ERAP2: variants seen among roughly 807,000 people sequenced by gnomAD.
The protein encoded by ERAP2 is endoplasmic reticulum aminopeptidase 2, also known as leukocyte-derived arginine aminopeptidase.
ERAP2 carries 118 observed loss-of-function variants against 111.1 expected under a neutral mutation model. The ratio of observed to expected loss-of-function variants is 1.06; its 90% confidence interval spans 0.92 to 1.24. The LOEUF is 1.24. Among genes scored for constraint, ERAP2 ranks in the 50% most tolerant of loss-of-function variants. ERAP2 has a pLI of 0.00. For synonymous variants in ERAP2, 410 were observed against 401.2 expected, an observed-to-expected ratio of 1.02 and a Z score of -0.26; for missense variants, 1,131 against 1,125.8, an observed-to-expected ratio of 1.00 and a Z score of -0.07.
intron 9 of ERAP2, among the ~76,000 whole-genome samples, chr5:96,899,084 T>C (rs554971137): frequency 1.3e-5 from 2 of 152,312 alleles, no homozygotes; most frequent in East Asian, 3.9e-4. Context: ...AATTCCTGTG[T>C]TATTTTTTGT....
At position 96,909,120 on chromosome 5, in the gene ERAP2, T is replaced by G. The variant is rs1328211150; in HGVS notation, c.2169+3T>G. 1.2e-6 allele frequency: 2 copies of G among 1,613,592 alleles called. No individual in the cohort carries two copies. The highest frequency in any genetic ancestry group is 2.7e-5 in the African/African-American group (2 of 74,910). On this transcript the variant is annotated splice_donor_region_variant and intron_variant, in intron 14 of 18. Coordinates refer to ENST00000437043, the MANE Select transcript of ERAP2 (RefSeq NM_022350.5). ...CAGATATCTCTGAAAACCTCAAGGT[T>G]TGTGTTGCTTTTAGAAAATGTATTA...
At position 96,910,859 on chromosome 5, in the gene ERAP2, A is replaced by G. The variant is rs1284776762; in HGVS notation, c.2354+1095A>G. ...ATGTAACTAGTTGCACATTTCCTTT[A>G]TGCCAGCCAGGTATTGCTGTAGGAG... On this transcript the variant is annotated intron_variant, in intron 15 of 18. Transcript: ENST00000437043. Among the ~76,000 whole-genome samples, 2 of 152,198 alleles carry G rather than the reference A, an allele frequency of 1.3e-5. 1 individual carries two copies. Among genetic ancestry groups the G allele is most frequent in the South Asian group, 4.1e-4 (2 of 4,834 alleles).
At position 96,913,433 on chromosome 5, in the gene ERAP2, A is replaced by G; in HGVS notation, c.2633A>G (p.Glu878Gly). Reference sequence around the variant, plus strand: ...CAACTAGCATGGGATTTTGTAAGAGAAAATTGGACCCATCTTCTGAAAAAG... The same window carrying G: ...CAACTAGCATGGGATTTTGTAAGAGGAAATTGGACCCATCTTCTGAAAAAG... ...GQQLAWDFVR[E>G]NWTHLLKKFD... The change falls in exon 17 of 19, where the codon GAA becomes GGA. Residue 878 changes from glutamate to glycine, a missense_variant. Physicochemically the swap from Glu to Gly is moderately conservative, Grantham distance 98 (BLOSUM62 -2). Around this residue, in one of 3 missense-constraint regions of ERAP2, gnomAD observed 279 missense variants for 250.9 expected, o/e 1.11. Transcript: ENST00000437043. 1 of 1,614,126 alleles carries G rather than the reference A, an allele frequency of 6.2e-7. No individual in the cohort carries two copies. The highest frequency in any genetic ancestry group is 8.5e-7 in the Non-Finnish European group (1 of 1,180,002).
intron 5 of ERAP2, among the ~76,000 whole-genome samples, chr5:96,892,033 T>C (rs1464949410): frequency 6.6e-6 from 1 of 152,144 alleles, no homozygotes; most frequent in Non-Finnish European, 1.5e-5. Flanking sequence ...ATTTTCAGAG[T>C]TCAGCACTTT....
intron 13 of ERAP2, among the ~76,000 whole-genome samples, chr5:96,906,769 C>A (rs1268156021): frequency 6.6e-6 from 1 of 152,210 alleles, no homozygotes; most frequent in Non-Finnish European, 1.5e-5. Flanking sequence ...CAGTGGCTCA[C>A]GCCTGTAATC....
At chr5:96,878,036 G>A (rs2151107706) in intron 1 of ERAP2, among the ~76,000 whole-genome samples, 1 of 152,336 alleles carries the variant, frequency 6.6e-6, no homozygotes. Flanking sequence ...AAGGAAGTAA[G>A]TAGAGGCAGG....
chr5:96,879,726 C>T lies in ERAP2; in HGVS notation c.41C>T (p.Pro14Leu). The change falls in exon 2 of 19, where the codon CCA becomes CTA. Residue 14 changes from proline to leucine, a missense_variant. Transcript: ENST00000437043. ...SSAMVNSHRK[P>L]MFNIHRGFYC... The stretch of plus-strand genomic sequence containing the variant: ...GCAATGGTTAATTCACACAGAAAAC[C>T]AATGTTTAACATTCACAGAGGATTT... 1 of 1,614,096 alleles carries T rather than the reference C, an allele frequency of 6.2e-7. No individual in the cohort carries two copies. The highest frequency in any genetic ancestry group is 8.5e-7 in the Non-Finnish European group (1 of 1,179,982).
chr5:96,896,957 C>A, intron 9 of ERAP2, 94 bp downstream of exon 9: 1 of 1,058,164 alleles, frequency 9.5e-7, no homozygotes, highest in Non-Finnish European at 1.3e-6. Context: ...TATTGTCAGT[C>A]AACCATATTT....
intron 13 of ERAP2, among the ~76,000 whole-genome samples, chr5:96,905,012 C>G (rs947361847): frequency 2.6e-5 from 4 of 152,016 alleles, no homozygotes; most frequent in Non-Finnish European, 5.9e-5. Flanking sequence ...CCTAAATTTT[C>G]CAGTCTTTAA....
At chr5:96,901,818 A>G in intron 11 of ERAP2, 137 bp downstream of exon 11, 4 of 845,716 alleles carry the variant, frequency 4.7e-6, no homozygotes, top group Non-Finnish European at 7.1e-6. Context: ...AGTAGACTTG[A>G]TAAGATTTAA....
At chr5:96,891,533 T>TAC (rs199636008) in intron 5 of ERAP2, among the ~76,000 whole-genome samples, 1,306 of 85,900 alleles carry the variant, frequency 0.015, 38 homozygotes, top group East Asian at 0.096. Flanking sequence ...ATACGGTATA[T>TAC]ATACACACAC....
At chr5:96,913,529 C>G in intron 17 of ERAP2, 72 bp downstream of exon 17, 1 of 1,520,586 alleles carries the variant, frequency 6.6e-7, no homozygotes, top group Non-Finnish European at 9.1e-7. Context: ...CAAGTGTAAT[C>G]AAATGTTTCT....
intron 3 of ERAP2, among the ~76,000 whole-genome samples, chr5:96,884,579 A>G (rs913991821): frequency 8.9e-6 from 1 of 112,434 alleles, no homozygotes. Flanking sequence ...TTGTTTTGAG[A>G]CAGAGTCTCT....
chr5:96,877,423 C>CA (rs11406043), intron 1 of ERAP2, among the ~76,000 whole-genome samples: 79,409 of 151,910 alleles, frequency 0.52, 20,915 homozygotes, highest in South Asian at 0.61. Context: ...CAAGTGGGGG[C>CA]GAGCTACTCC....
Position 96,879,878 on chromosome 5 carries a change from C to A in ERAP2, c.193C>A (p.Gln65Lys). Residue 65 changes from glutamine (Q) to lysine (K), a missense_variant, in exon 2 of 19, where the codon CAG (glutamine) becomes AAG (lysine). Physicochemically the swap from Gln to Lys is moderately conservative, Grantham distance 53. This residue lies in a region of ERAP2 where 847 missense variants were observed against 856.5 expected (regional missense o/e 0.99). Transcript: ENST00000437043. ...VATNGERFPWQELRLPSVVIP... is the reference protein window; with the variant it reads ...VATNGERFPWKELRLPSVVIP... The stretch of plus-strand genomic sequence containing the variant: ...CACTAATGGGGAACGATTTCCTTGG[C>A]AGGAGCTAAGGCTCCCCAGTGTGGT... 6.2e-7 allele frequency: 1 copy of A among 1,614,156 alleles called. No individual in the cohort carries two copies. Among genetic ancestry groups the A allele is most frequent in the South Asian group, 1.1e-5 (1 of 91,088 alleles).
chr5:96,882,620 A>T (rs1475103483), intron 2 of ERAP2, among the ~76,000 whole-genome samples: 1 of 152,240 alleles, frequency 6.6e-6, no homozygotes, highest in Non-Finnish European at 1.5e-5. Flanking sequence ...AGCAACAAAG[A>T]TTCAGGTTTT....
At chr5:96,881,473 T>A (rs1213968872) in intron 2 of ERAP2, 9 of 456,242 alleles carry the variant, frequency 2.0e-5, no homozygotes, top group Admixed American at 1.9e-4. Context: ...CCAGGATCCA[T>A]CTGGGAGGTA....
chr5:96,883,087 G>T (rs189970510), intron 2 of ERAP2, among the ~76,000 whole-genome samples: 13 of 152,250 alleles, frequency 8.5e-5, no homozygotes, highest in African/African-American at 2.9e-4. Context: ...AGAAGTACCT[G>T]GGGGCACAGG....
chr5:96,891,529 T>TAG (rs1784385765), intron 5 of ERAP2, among the ~76,000 whole-genome samples: 1 of 41,944 alleles, frequency 2.4e-5, no homozygotes, highest in African/African-American at 1.1e-4. Context: ...CCATATACGG[T>TAG]ATATATACAC....
Sources: allele counts gnomAD v4.1 joint callset (sites outside exome capture counted in the v4.1 genomes callset), GRCh38; gene constraint gnomAD v4.1.1; regional missense constraint gnomAD v4.1.1; transcripts MANE v1.5; gene names NCBI Gene and HGNC (gene_info 2026-07-23, HGNC 2026-07-21).